CNTN4: variants seen among roughly 807,000 people sequenced by gnomAD.
CNTN4 encodes the protein contactin-4.
Under a neutral mutation model 122.5 loss-of-function variants are expected in CNTN4, and 77 were observed. The observed-to-expected ratio is 0.63, with a 90% confidence interval of 0.52 to 0.76. The LOEUF is 0.76. CNTN4 is among the 30% of genes least tolerant of loss of function. The pLI, the probability that CNTN4 is intolerant of heterozygous loss-of-function variation, is 0.00. For synonymous variants in CNTN4, 512 were observed against 447.0 expected (o/e 1.15, Z -1.83); for missense variants, 1,256 against 1,259.1 (o/e 1.00, Z 0.04).
chr3:2,547,508 T>G (rs1314813453), intron 3 of CNTN4, among the ~76,000 whole-genome samples: 1 of 152,032 alleles, frequency 6.6e-6, no homozygotes, highest in Non-Finnish European at 1.5e-5. Flanking sequence ...TCAGGTGATC[T>G]GCCTACCTCG....
chr3:2,870,475 GA>G (rs1489032605), intron 8 of CNTN4, among the ~76,000 whole-genome samples: 1 of 152,106 alleles, frequency 6.6e-6, no homozygotes, highest in East Asian at 1.9e-4. Context: ...GAGAAAAGGG[GA>G]AATACAAATC....
At chr3:2,323,735 C>T (rs534693307) in intron 2 of CNTN4, among the ~76,000 whole-genome samples, 1 of 152,292 alleles carries the variant, frequency 6.6e-6, no homozygotes, top group Admixed American at 6.5e-5. Context: ...GCTCATATAG[C>T]TGTGTATACT....
chr3:2,145,130 C>T (rs1255633438), intron 2 of CNTN4, among the ~76,000 whole-genome samples: 1 of 152,182 alleles, frequency 6.6e-6, no homozygotes, highest in Non-Finnish European at 1.5e-5. Flanking sequence ...TTCACAATTC[C>T]TTTGCTCATT....
At chr3:2,562,113 A>G (rs2078981341) in intron 3 of CNTN4, among the ~76,000 whole-genome samples, 1 of 152,226 alleles carries the variant, frequency 6.6e-6, no homozygotes, top group South Asian at 2.1e-4. Flanking sequence ...AAAATACCAC[A>G]TATTTTATAT....
chr3:2,178,308 T>C (rs1298381249), intron 2 of CNTN4, among the ~76,000 whole-genome samples: 3 of 152,074 alleles, frequency 2.0e-5, no homozygotes. Flanking sequence ...TTCTAAGCCA[T>C]CTTAAACTCA....
chr3:2,802,642 G>C (rs559414571), intron 6 of CNTN4, among the ~76,000 whole-genome samples: 11 of 152,262 alleles, frequency 7.2e-5, no homozygotes, highest in Admixed American at 7.2e-4. Context: ...TGATGAAAAT[G>C]GTGTGACCAG....
rs6801437 is a variant in CNTN4 at position 2,810,617 on chromosome 3, A to G, written c.359-8869A>G. Among the ~76,000 whole-genome samples the G allele has an allele frequency of 4.4e-3, 673 of 152,250 alleles. 2 individuals are homozygous for G. Among genetic ancestry groups the G allele is most frequent in the African/African-American group, 0.015 (630 of 41,558 alleles). On this transcript the variant is annotated intron_variant, in intron 6 of 24. Coordinates refer to ENST00000418658, the MANE Select transcript of CNTN4 (RefSeq NM_175607.3). ...TTCTCAGCGCTATTTTGCCTTCTCC[A>G]CTATTTCATAGATTAAATTTTCCTT...
intron 3 of CNTN4, among the ~76,000 whole-genome samples, chr3:2,407,247 T>C (rs912335883): frequency 2.0e-5 from 3 of 152,216 alleles, no homozygotes; most frequent in African/African-American, 7.2e-5. Context: ...TTATTTTTAC[T>C]TGTAATTTAT....
At chr3:2,219,642 AAATAT>A (rs1321700326) in intron 2 of CNTN4, among the ~76,000 whole-genome samples, 2 of 152,234 alleles carry the variant, frequency 1.3e-5, no homozygotes, top group Non-Finnish European at 2.9e-5. Flanking sequence ...ATCTACAATA[AAATAT>A]AATAAAATAA....
intron 7 of CNTN4, among the ~76,000 whole-genome samples, chr3:2,828,896 C>G (rs1022951547): frequency 1.3e-5 from 2 of 152,102 alleles, no homozygotes; most frequent in African/African-American, 4.8e-5. Flanking sequence ...AGCCACCACA[C>G]CAGGCTAATT....
intron 14 of CNTN4, among the ~76,000 whole-genome samples, chr3:3,004,722 C>G (rs1696441168): frequency 6.6e-6 from 1 of 152,222 alleles, no homozygotes; most frequent in South Asian, 2.1e-4. Context: ...TAGTTACTCT[C>G]TTCTCTTGCT....
intron 14 of CNTN4, among the ~76,000 whole-genome samples, chr3:3,010,186 A>G (rs191454418): frequency 3.5e-4 from 53 of 152,090 alleles, no homozygotes; most frequent in African/African-American, 1.2e-3. Flanking sequence ...TGGGATGGGG[A>G]GGGTTAGTCA....
intron 3 of CNTN4, among the ~76,000 whole-genome samples, chr3:2,481,629 T>A (rs2076009356): frequency 6.6e-6 from 1 of 152,174 alleles, no homozygotes; most frequent in Non-Finnish European, 1.5e-5. Flanking sequence ...AGAAAATCTA[T>A]GATATGGTTT....
chr3:2,998,605 C>T lies in CNTN4; in HGVS notation c.1486+10133C>T, dbSNP rs902660477. Among the ~76,000 whole-genome samples, 10 of 151,554 alleles carry T rather than the reference C, an allele frequency of 6.6e-5. No homozygotes were observed. In the East Asian group the frequency reaches 1.9e-3, roughly 29 times the overall value. ...AAAACTAACTAAGAGGTAAAGGTGA[C>T]AATTGAACAGGGAATTGAAATATGA... On this transcript the variant is annotated intron_variant, in intron 14 of 24. Transcript: ENST00000418658.
chr3:2,265,609 A>T (rs1375189667), intron 2 of CNTN4, among the ~76,000 whole-genome samples: 2 of 152,032 alleles, frequency 1.3e-5, no homozygotes, highest in East Asian at 3.9e-4. Flanking sequence ...AAAGGATGTC[A>T]TTGGTATTTT....
intron 2 of CNTN4, among the ~76,000 whole-genome samples, chr3:2,225,699 G>A (rs2039255952): frequency 6.6e-6 from 1 of 152,112 alleles, no homozygotes; most frequent in Admixed American, 6.6e-5. Context: ...TTACTGTGCT[G>A]CTCTTTTTAC....
At chr3:2,638,762 C>T (rs1363365825) in intron 4 of CNTN4, among the ~76,000 whole-genome samples, 1 of 152,158 alleles carries the variant, frequency 6.6e-6, no homozygotes. Context: ...CTGCACATGT[C>T]CCCATTTCAG....
chr3:2,672,725 T>G (rs1050147823), intron 4 of CNTN4, among the ~76,000 whole-genome samples: 30 of 152,212 alleles, frequency 2.0e-4, no homozygotes, highest in African/African-American at 7.0e-4. Flanking sequence ...GCTGTTCCTA[T>G]TCGGCCATCT....
chr3:2,253,489 C>G (rs1487153439), intron 2 of CNTN4, among the ~76,000 whole-genome samples: 1 of 152,064 alleles, frequency 6.6e-6, no homozygotes, highest in East Asian at 1.9e-4. Context: ...TTTACTTTAT[C>G]CTTTTATAAA....
Sources: allele counts gnomAD v4.1 joint callset (sites outside exome capture counted in the v4.1 genomes callset), GRCh38; gene constraint gnomAD v4.1.1; transcripts MANE v1.5; gene names NCBI Gene and HGNC (gene_info 2026-07-23, HGNC 2026-07-21).